CA12: variants seen among roughly 807,000 people sequenced by gnomAD.
The protein encoded by CA12 is carbonic anhydrase 12.
Under a neutral mutation model 46.8 loss-of-function variants are expected in CA12, and 36 were observed. That is an observed-to-expected ratio of 0.77 (90% CI 0.59 to 1.02). The LOEUF (loss-of-function observed/expected upper bound fraction) is 1.02, where lower values mean the gene tolerates loss of function less well. Ranked by LOEUF, CA12 falls within the 50% of genes least tolerant of loss-of-function variation. The pLI is 0.00. For synonymous variants in CA12, 202 were observed against 187.0 expected, an observed-to-expected ratio of 1.08 and a Z score of -0.65; for missense variants, 436 against 451.4, an observed-to-expected ratio of 0.97 and a Z score of 0.31.
rs1402375966 is a variant in CA12 at position 63,373,256 on chromosome 15, T to G, written c.106+2402A>C. On this transcript the variant is annotated intron_variant, in intron 2 of 10. Transcript: ENST00000178638. This position sits in a 1 kb window ranked among gnomAD's most constrained non-coding sequence, Gnocchi z 4.9. ...GGCACACCCCTGTAATCCCAGCTAC[T>G]TGGGAGGCTGAGGCAGGAGAATCCC... Among the ~76,000 whole-genome samples the G allele has an allele frequency of 2.0e-5, 3 of 151,958 alleles. No individual in the cohort carries two copies. The highest frequency in any genetic ancestry group is 2.0e-4 in the Admixed American group (3 of 15,264).
chr15:63,381,599 T>C, intron 1 of CA12, 37 bp downstream of exon 1: 1 of 1,570,988 alleles, frequency 6.4e-7, no homozygotes, highest in Non-Finnish European at 8.7e-7. Flanking sequence ...GGCTGAGCGC[T>C]CAGGAGTGTT....
chr15:63,347,546 AAAG>A (rs2039166776), intron 2 of CA12, among the ~76,000 whole-genome samples: 1 of 152,260 alleles, frequency 6.6e-6, no homozygotes, highest in African/African-American at 2.4e-5. Context: ...GACTTTAAAA[AAAG>A]AAATTCCTCC....
chr15:63,343,715 T>G (rs1489877880), intron 4 of CA12, among the ~76,000 whole-genome samples: 2 of 152,214 alleles, frequency 1.3e-5, no homozygotes, highest in Non-Finnish European at 2.9e-5. Context: ...ACCAGACTCT[T>G]GGTCTGATGC....
At chr15:63,357,659 T>C (rs1033105337) in intron 2 of CA12, among the ~76,000 whole-genome samples, 36 of 4,360 alleles carry the variant, frequency 8.3e-3, no homozygotes, top group Middle Eastern at 0.5. Context: ...CTTTCTTTCT[T>C]TTTTTTTTAA....
At chr15:63,380,756 T>G (rs2039633931) in intron 1 of CA12, among the ~76,000 whole-genome samples, 1 of 152,168 alleles carries the variant, frequency 6.6e-6, no homozygotes, top group Non-Finnish European at 1.5e-5. Context: ...GCAGGACACA[T>G]TTCCCACCAC....
At chr15:63,368,058 T>C (rs1459374091) in intron 2 of CA12, among the ~76,000 whole-genome samples, 2 of 152,240 alleles carry the variant, frequency 1.3e-5, no homozygotes, top group Non-Finnish European at 2.9e-5. Flanking sequence ...CTCCACTGTT[T>C]TCAGTATTGT....
At chr15:63,354,096 C>T (rs2039266252) in intron 2 of CA12, among the ~76,000 whole-genome samples, 1 of 152,084 alleles carries the variant, frequency 6.6e-6, no homozygotes, top group Admixed American at 6.5e-5. Flanking sequence ...ATGTCCTGCC[C>T]AGAAGGAAAG....
At chr15:63,351,192 C>T (rs2039225683) in intron 2 of CA12, among the ~76,000 whole-genome samples, 1 of 152,226 alleles carries the variant, frequency 6.6e-6, no homozygotes, top group Non-Finnish European at 1.5e-5. Flanking sequence ...GGGCCCCGCT[C>T]CTCCAAGGCT....
At position 63,324,804 on chromosome 15, in the gene CA12, G is replaced by C. The variant is rs2038844611; in HGVS notation, c.*1481C>G. ...CCTGGGTTCAAGCGATTCCAGAAGA[G>C]AGAATTCTTAGAGTCAGAGGGAGGA... On this transcript the variant is annotated 3_prime_UTR_variant, in exon 11 of 11. Coordinates refer to ENST00000178638, the MANE Select transcript of CA12 (RefSeq NM_001218.5). 1 of 150,756 alleles carries C rather than the reference G, an allele frequency of 6.6e-6. No homozygotes were observed. Among genetic ancestry groups the C allele is most frequent in the Non-Finnish European group, 1.5e-5 (1 of 67,910 alleles). The allele number at this position is 150,756 out of a possible 1,614,324, so 9.3% of individuals were successfully genotyped here.
At position 63,338,975 on chromosome 15, in the gene CA12, G is replaced by A. The variant is rs374370190; in HGVS notation, c.748-30C>T. The A allele has an allele frequency of 4.3e-5, 69 of 1,613,708 alleles. No homozygotes were observed. In the African/African-American group the frequency reaches 8.4e-4, roughly 20 times the overall value. On this transcript the variant is annotated intron_variant, in intron 7 of 10. Coordinates refer to ENST00000178638, the MANE Select transcript of CA12 (RefSeq NM_001218.5). ...GGGCAAGAGCAGAAATAGCCCGCAG[G>A]CAGAATGACCTCCTCACCTGATCCC...
Position 63,326,050 on chromosome 15 carries a change from A to G in CA12, c.*235T>C, listed in dbSNP as rs2038861532. On this transcript the variant is annotated 3_prime_UTR_variant, in exon 11 of 11. Coordinates refer to ENST00000178638, the MANE Select transcript of CA12 (RefSeq NM_001218.5). ...ACAATCTCACACAGTTACAGCAAGCAGCTTTGAATTCCTGCTGCTTGGTCT... is the reference window on the plus strand; with the variant it reads ...ACAATCTCACACAGTTACAGCAAGCGGCTTTGAATTCCTGCTGCTTGGTCT... The G allele has an allele frequency of 1.8e-6, 1 of 552,434 alleles. No individual in the cohort carries two copies. The highest frequency in any genetic ancestry group is 3.0e-5 in the Admixed American group (1 of 33,276). 34.2% of individuals were successfully genotyped at this position (552,434 alleles called of 1,614,324 possible).
intron 4 of CA12, among the ~76,000 whole-genome samples, chr15:63,342,402 A>G (rs1218953175): frequency 6.6e-6 from 1 of 152,230 alleles, no homozygotes; most frequent in Non-Finnish European, 1.5e-5. Flanking sequence ...GGACATAGGT[A>G]GATTTAACTT....
At chr15:63,326,681 C>A (rs974989028) in intron 10 of CA12, among the ~76,000 whole-genome samples, 1 of 151,984 alleles carries the variant, frequency 6.6e-6, no homozygotes, top group Non-Finnish European at 1.5e-5. Flanking sequence ...CATACCCCCC[C>A]CAAATAAATT....
At chr15:63,342,970 T>C (rs2039100912) in intron 4 of CA12, among the ~76,000 whole-genome samples, 1 of 152,200 alleles carries the variant, frequency 6.6e-6, no homozygotes, top group Non-Finnish European at 1.5e-5. Flanking sequence ...AAAAAAATTA[T>C]ATATCAAATT....
At chr15:63,353,200 G>T (rs527664130) in intron 2 of CA12, among the ~76,000 whole-genome samples, 1 of 152,176 alleles carries the variant, frequency 6.6e-6, no homozygotes, top group African/African-American at 2.4e-5. Context: ...AATTAAACGA[G>T]GGCTGCAACA....
At chr15:63,335,053 G>A (rs2038983971) in intron 8 of CA12, among the ~76,000 whole-genome samples, 1 of 152,222 alleles carries the variant, frequency 6.6e-6, no homozygotes, top group South Asian at 2.1e-4. Flanking sequence ...CCCTGGGGCA[G>A]TGGTTTTCCA....
chr15:63,343,196 C>T (rs939325718), intron 4 of CA12, among the ~76,000 whole-genome samples: 27 of 150,000 alleles, frequency 1.8e-4, no homozygotes, highest in Admixed American at 1.7e-3. Flanking sequence ...TTTGTCTGTA[C>T]TTTTCTTATT....
At chr15:63,335,953 G>C (rs34381378) in intron 8 of CA12, among the ~76,000 whole-genome samples, 6,844 of 152,300 alleles carry the variant, frequency 0.045, 201 homozygotes, top group Middle Eastern at 0.065. Context: ...GGAAGCAGCC[G>C]CACTTGCTGC....
At position 63,326,055 on chromosome 15, in the gene CA12, T is replaced by C. The variant is rs1459009352; in HGVS notation, c.*230A>G. The C allele has an allele frequency of 5.4e-6, 3 of 558,762 alleles. No homozygotes were observed. The highest frequency in any genetic ancestry group is 9.7e-6 in the Non-Finnish European group (3 of 308,654). The allele number at this position is 558,762 out of a possible 1,614,324, so 34.6% of individuals were successfully genotyped here. On this transcript the variant is annotated 3_prime_UTR_variant, in exon 11 of 11. Transcript: ENST00000178638. The stretch of plus-strand genomic sequence containing the variant: ...CTCACACAGTTACAGCAAGCAGCTT[T>C]GAATTCCTGCTGCTTGGTCTGAGAG...
Sources: allele counts gnomAD v4.1 joint callset (sites outside exome capture counted in the v4.1 genomes callset), GRCh38; gene constraint gnomAD v4.1.1; non-coding constraint Gnocchi (gnomAD v3.1); transcripts MANE v1.5; gene names NCBI Gene and HGNC (gene_info 2026-07-23, HGNC 2026-07-21).